FBXO25: variants seen among roughly 807,000 people sequenced by gnomAD.
FBXO25 encodes F-box only protein 25.
FBXO25 carries 45 observed loss-of-function variants against 51.9 expected under a neutral mutation model. The observed-to-expected ratio is 0.87, with a 90% CI of 0.68 to 1.11. FBXO25 has a LOEUF of 1.11. Among genes scored for constraint, FBXO25 ranks in the 50% most tolerant of loss-of-function variants. The pLI, the probability that FBXO25 is intolerant of heterozygous loss-of-function variation, is 0.00. For synonymous variants in FBXO25, 199 were observed against 151.0 expected (o/e 1.32, Z -2.33); for missense variants, 507 against 428.5 (o/e 1.18, Z -1.62).
chr8:411,238 C>T (rs1275985883), intron 1 of FBXO25, among the ~76,000 whole-genome samples: 6 of 152,172 alleles, frequency 3.9e-5, no homozygotes, highest in South Asian at 2.1e-4. Context: ...CTAAATTCAA[C>T]GTATATTTTC....
chr8:410,166 C>G (rs912858837), intron 1 of FBXO25, among the ~76,000 whole-genome samples: 17 of 152,190 alleles, frequency 1.1e-4, no homozygotes, highest in African/African-American at 3.6e-4. Flanking sequence ...CTCTTTACCA[C>G]AAGTTACAAG....
intron 9 of FBXO25, among the ~76,000 whole-genome samples, chr8:464,123 T>C (rs1799996709): frequency 6.6e-6 from 1 of 152,294 alleles, no homozygotes; most frequent in East Asian, 1.9e-4. Context: ...ATTTTGTTTG[T>C]TTGTTTTTGG....
chr8:463,031 G>GA lies in FBXO25; in HGVS notation c.873dup (p.Gly292ArgfsTer4). On this transcript the variant is annotated frameshift_variant, in exon 9 of 10. Coordinates refer to ENST00000350302, the MANE Select transcript of FBXO25 (RefSeq NM_183420.2). LOFTEE classifies it high-confidence loss of function. ...GTTTTGTAGACATTTGATCCTTTCAGAAAAAGGTCATATTGAATGGAAGTT... is the reference window on the plus strand; with the variant it reads ...GTTTTGTAGACATTTGATCCTTTCAGAAAAAAGGTCATATTGAATGGAAGTT... 6.2e-7 allele frequency: 1 copy of GA among 1,611,710 alleles called. No homozygotes were observed. Among genetic ancestry groups the GA allele is most frequent in the Non-Finnish European group, 8.5e-7 (1 of 1,179,518 alleles).
rs11993070 is a variant in FBXO25 at position 463,461 on chromosome 8, C to G, written c.987+311C>G. On this transcript the variant is annotated intron_variant, in intron 9 of 9. Transcript: ENST00000350302. ...TCCAGATTCCCTGCTGGCCCCCAGC[C>G]TGAGGTTGAAGGCTGGAGTGTGACC... Among the ~76,000 whole-genome samples the G allele has an allele frequency of 6.3e-4, 96 of 152,324 alleles. 1 individual carries two copies. Among genetic ancestry groups the G allele is most frequent in the African/African-American group, 2.3e-3 (94 of 41,590 alleles).
Position 474,160 on chromosome 8 carries a change from T to C in FBXO25, c.*5356T>C, listed in dbSNP as rs962141802. On this transcript the variant is annotated 3_prime_UTR_variant, in exon 10 of 10. Transcript: ENST00000350302. ...GCAGCCTCTGTTCTCCTTTGTCTCT[T>C]TTAATTTGACTTCTGTAGGGACCTC... The C allele has an allele frequency of 6.4e-6, 1 of 155,836 alleles. No homozygotes were observed. Among genetic ancestry groups the C allele is most frequent in the Non-Finnish European group, 1.4e-5 (1 of 70,960 alleles). 9.7% of individuals were successfully genotyped at this position (155,836 alleles called of 1,614,324 possible).
At chr8:408,979 A>G (rs1424707516) in intron 1 of FBXO25, among the ~76,000 whole-genome samples, 1 of 152,214 alleles carries the variant, frequency 6.6e-6, no homozygotes, top group Non-Finnish European at 1.5e-5. Context: ...TTTAATTAAA[A>G]TAAGCGTATA....
intron 1 of FBXO25, among the ~76,000 whole-genome samples, chr8:409,172 CT>C (rs746292134): frequency 6.6e-6 from 1 of 152,066 alleles, no homozygotes; most frequent in African/African-American, 2.4e-5. Context: ...TGCAACTTGT[CT>C]TTTTTTGTTG....
rs552146420 is a variant in FBXO25 at position 439,411 on chromosome 8, C to T, written c.381+3704C>T. 1.6e-4 allele frequency among the ~76,000 whole-genome samples: 25 copies of T among 152,322 alleles called. No homozygotes were observed. In the South Asian group the frequency reaches 5.0e-3, roughly 30 times the overall value. ...TATGCTCTGTTTCCTAAAGTACACA[C>T]ATCTGTAGGAAAAAAGTTTTCAGAA... On this transcript the variant is annotated intron_variant, in intron 5 of 9. Coordinates refer to ENST00000350302, the MANE Select transcript of FBXO25 (RefSeq NM_183420.2).
intron 5 of FBXO25, among the ~76,000 whole-genome samples, chr8:439,844 G>A (rs1302563591): frequency 2.0e-5 from 3 of 152,196 alleles, no homozygotes; most frequent in African/African-American, 7.2e-5. Context: ...GAGGCAGGAG[G>A]ATAACTTGAG....
chr8:458,167 G>C (rs567686905), intron 7 of FBXO25, among the ~76,000 whole-genome samples: 1 of 152,344 alleles, frequency 6.6e-6, no homozygotes, highest in Non-Finnish European at 1.5e-5. Context: ...CTGTCACGCT[G>C]TGCAGCCCTC....
chr8:420,377 C>T (rs868587106), intron 2 of FBXO25: 3 of 152,264 alleles, frequency 2.0e-5, no homozygotes, highest in African/African-American at 7.2e-5. Flanking sequence ...CTCTGGAAAA[C>T]AGTGTGGCAG....
chr8:408,055 G>T (rs559431287), intron 1 of FBXO25, among the ~76,000 whole-genome samples: 2 of 152,106 alleles, frequency 1.3e-5, no homozygotes, highest in Non-Finnish European at 2.9e-5. Flanking sequence ...TCGTCTTTAC[G>T]TGTTTACCTT....
At chr8:432,767 C>G (rs1453548063) in intron 3 of FBXO25, 119 bp from the exon 4 acceptor site, 2 of 1,249,698 alleles carry the variant, frequency 1.6e-6, no homozygotes, top group East Asian at 2.9e-5. Flanking sequence ...AAAAGCATTT[C>G]TTGTCAATAT....
intron 3 of FBXO25, among the ~76,000 whole-genome samples, chr8:431,871 A>G (rs1181915088): frequency 6.6e-6 from 1 of 152,144 alleles, no homozygotes; most frequent in Admixed American, 6.6e-5. Flanking sequence ...GAGGGCATAG[A>G]GCTCTATCAT....
rs557626335 is a variant in FBXO25, at chr8:457,702, G to C, written c.661-667G>C. Reference sequence around the variant, plus strand: ...CATGTTCTCACCACAAAAATAAAAGGATTATGACTTGAGGTGATGGACAGT... The same window carrying C: ...CATGTTCTCACCACAAAAATAAAAGCATTATGACTTGAGGTGATGGACAGT... On this transcript the variant is annotated intron_variant, in intron 7 of 9. Transcript: ENST00000350302. 3.3e-5 allele frequency among the ~76,000 whole-genome samples: 5 copies of C among 152,316 alleles called. No homozygotes were observed. In the South Asian group the frequency reaches 8.3e-4, roughly 25 times the overall value.
chr8:423,424 GTT>G (rs1008597752), intron 2 of FBXO25, among the ~76,000 whole-genome samples: 17 of 152,062 alleles, frequency 1.1e-4, no homozygotes, highest in African/African-American at 3.9e-4. Flanking sequence ...CCAATAGGTA[GTT>G]TTTTTTAACC....
chr8:407,375 G>A (rs1367220562), intron 1 of FBXO25: 28 of 982,998 alleles, frequency 2.8e-5, no homozygotes, highest in Non-Finnish European at 3.1e-5. Context: ...CTGGGTCCGC[G>A]GGCGCGTCAG....
At position 470,823 on chromosome 8, in the gene FBXO25, T is replaced by C. The variant is rs183071171; in HGVS notation, c.*2019T>C. On this transcript the variant is annotated 3_prime_UTR_variant, in exon 10 of 10. Transcript: ENST00000350302. Reference sequence around the variant, plus strand: ...GTATGATAAATTGTGAGCTTGAATATTTCCATATATTTATTATCCATTTGC... The same window carrying C: ...GTATGATAAATTGTGAGCTTGAATACTTCCATATATTTATTATCCATTTGC... 1.5e-4 allele frequency: 23 copies of C among 152,350 alleles called. No homozygotes were observed. The highest frequency in any genetic ancestry group is 5.5e-4 in the African/African-American group (23 of 41,584). The allele number at this position is 152,350 out of a possible 1,614,324, so 9.4% of individuals were successfully genotyped here.
Position 470,343 on chromosome 8 carries a change from A to T in FBXO25, c.*1539A>T, listed in dbSNP as rs978980663. ...TTTTAAATATATTTCTAGATTGTTC[A>T]TGAAAAAAAATTTTTTTGGAGTTTG... On this transcript the variant is annotated 3_prime_UTR_variant, in exon 10 of 10. Transcript: ENST00000350302. The T allele has an allele frequency of 6.6e-6, 1 of 152,174 alleles. No individual in the cohort carries two copies. Among genetic ancestry groups the T allele is most frequent in the Admixed American group, 6.5e-5 (1 of 15,268 alleles). The allele number at this position is 152,174 out of a possible 1,614,324, so 9.4% of individuals were successfully genotyped here.
Sources: allele counts gnomAD v4.1 joint callset (sites outside exome capture counted in the v4.1 genomes callset), GRCh38; gene constraint gnomAD v4.1.1; transcripts MANE v1.5; gene names NCBI Gene and HGNC (gene_info 2026-07-23, HGNC 2026-07-21).